NRG3: variants seen among roughly 807,000 people sequenced by gnomAD.
NRG3 encodes neuregulin 3, also known as pro-neuregulin-3, membrane-bound isoform.
In NRG3, 31 loss-of-function variants were observed where a neutral mutation model predicts 66.9. The observed-to-expected ratio is 0.46, with a 90% CI of 0.35 to 0.63. NRG3 has a LOEUF of 0.63. Among genes scored for constraint, NRG3 ranks in the 20% least tolerant of loss-of-function variants. NRG3 has a pLI of 0.00. For missense variants in NRG3, 910 were observed against 878.9 expected (o/e 1.04, Z -0.45); for synonymous variants, 393 against 359.4 (o/e 1.09, Z -1.06).
intron 3 of NRG3, among the ~76,000 whole-genome samples, chr10:82,859,705 A>G (rs925986048): frequency 4.6e-5 from 7 of 152,222 alleles, no homozygotes; most frequent in African/African-American, 1.4e-4. Flanking sequence ...TGCGGCAACT[A>G]TAGTTAATAA....
intron 1 of NRG3, among the ~76,000 whole-genome samples, chr10:82,266,365 G>A (rs2078293887): frequency 6.6e-6 from 1 of 152,138 alleles, no homozygotes; most frequent in Non-Finnish European, 1.5e-5. Context: ...ACCTGGACAT[G>A]TGGAGCTCGT....
chr10:82,133,189 C>T (rs1590232889), intron 1 of NRG3, among the ~76,000 whole-genome samples: 2 of 151,848 alleles, frequency 1.3e-5, no homozygotes, highest in Admixed American at 1.3e-4. Context: ...TTGATGTAGG[C>T]TCTTATTGCT....
chr10:82,202,963 TGA>T (rs1355070946), intron 1 of NRG3, among the ~76,000 whole-genome samples: 2 of 152,160 alleles, frequency 1.3e-5, no homozygotes, highest in African/African-American at 4.8e-5. Context: ...GATTGATGTG[TGA>T]TATACACATA....
chr10:82,716,991 A>G (rs181780554), intron 2 of NRG3, among the ~76,000 whole-genome samples: 37 of 152,344 alleles, frequency 2.4e-4, no homozygotes, highest in Admixed American at 2.3e-3. Flanking sequence ...AAGTTTATTA[A>G]TATGGAATTG....
intron 2 of NRG3, among the ~76,000 whole-genome samples, chr10:82,586,403 A>G (rs757798029): frequency 3.9e-5 from 6 of 152,216 alleles, no homozygotes; most frequent in East Asian, 1.9e-4. Context: ...AAAGGCAACT[A>G]CATTGACTGT....
chr10:82,861,503 A>G (rs1335817306), intron 3 of NRG3, among the ~76,000 whole-genome samples: 2 of 152,198 alleles, frequency 1.3e-5, no homozygotes, highest in Non-Finnish European at 2.9e-5. Flanking sequence ...AAACATATTG[A>G]GGTTTCAAAA....
chr10:82,934,960 G>A (rs1353159879), intron 4 of NRG3, among the ~76,000 whole-genome samples: 1 of 151,952 alleles, frequency 6.6e-6, no homozygotes, highest in Non-Finnish European at 1.5e-5. Flanking sequence ...CATCCTAGAG[G>A]CCTATTTATA....
At chr10:82,411,121 A>G (rs1490405264) in intron 2 of NRG3, among the ~76,000 whole-genome samples, 1 of 152,046 alleles carries the variant, frequency 6.6e-6, no homozygotes, top group Non-Finnish European at 1.5e-5. Flanking sequence ...TCAGCATGTA[A>G]GCCAGGCTGG....
chr10:82,375,548 A>AAG (rs1402011370), intron 2 of NRG3, among the ~76,000 whole-genome samples: 1 of 151,960 alleles, frequency 6.6e-6, no homozygotes, highest in Non-Finnish European at 1.5e-5. Context: ...AAAAAAAAAA[A>AAG]AAATTACTGA....
chr10:82,548,031 C>T (rs1444263553), intron 2 of NRG3, among the ~76,000 whole-genome samples: 1 of 135,206 alleles, frequency 7.4e-6, no homozygotes, highest in Non-Finnish European at 1.5e-5. Flanking sequence ...AGAAGTGACT[C>T]ATGCCACGTT....
intron 1 of NRG3, among the ~76,000 whole-genome samples, chr10:82,302,564 G>T (rs2080464911): frequency 6.6e-6 from 1 of 152,038 alleles, no homozygotes; most frequent in African/African-American, 2.4e-5. Flanking sequence ...TTAATAAAAA[G>T]TTCAATTTCC....
chr10:82,715,125 T>A lies in NRG3; in HGVS notation c.954-23452T>A, dbSNP rs368344100. On this transcript the variant is annotated intron_variant, in intron 2 of 8. Transcript: ENST00000372141. ...AAGTCTTGGGTGTGGCTGGGCGTGG[T>A]GGCTCATACCTGTAATCCCAGCAAT... 9.2e-5 allele frequency among the ~76,000 whole-genome samples: 14 copies of A among 152,282 alleles called. No individual in the cohort carries two copies. In the East Asian group the frequency reaches 1.9e-3, roughly 21 times the overall value.
At chr10:82,922,562 C>A (rs534923572) in intron 4 of NRG3, among the ~76,000 whole-genome samples, 1 of 152,102 alleles carries the variant, frequency 6.6e-6, no homozygotes, top group African/African-American at 2.4e-5. Flanking sequence ...GATAAACAGA[C>A]GCTGGAGGTT....
At chr10:82,116,797 T>C (rs1003529710) in intron 1 of NRG3, among the ~76,000 whole-genome samples, 1 of 152,140 alleles carries the variant, frequency 6.6e-6, no homozygotes, top group Non-Finnish European at 1.5e-5. Context: ...ATCTCCCTCA[T>C]CTTCCTGCCC....
intron 6 of NRG3, among the ~76,000 whole-genome samples, chr10:82,964,356 A>C (rs1377131726): frequency 6.6e-6 from 1 of 152,112 alleles, no homozygotes; most frequent in Non-Finnish European, 1.5e-5. Flanking sequence ...TCAGACCAAG[A>C]ATAGCTCAGC....
intron 2 of NRG3, among the ~76,000 whole-genome samples, chr10:82,456,129 TTC>T (rs1196017972): frequency 1.4e-5 from 2 of 143,872 alleles, no homozygotes; most frequent in African/African-American, 5.0e-5. Context: ...TAAAATATTT[TTC>T]TGTCACTTTT....
chr10:81,912,237 G>T (rs1445377280), intron 1 of NRG3, among the ~76,000 whole-genome samples: 1 of 152,150 alleles, frequency 6.6e-6, no homozygotes, highest in Non-Finnish European at 1.5e-5. Context: ...TGATGATGAT[G>T]ATTACAGGCA....
intron 1 of NRG3, among the ~76,000 whole-genome samples, chr10:82,208,395 T>C (rs901339561): frequency 6.6e-6 from 1 of 152,182 alleles, no homozygotes; most frequent in Non-Finnish European, 1.5e-5. Flanking sequence ...ATAATAATAA[T>C]TCTGGAGCCA....
At chr10:82,179,269 A>AT (rs1564636201) in intron 1 of NRG3, among the ~76,000 whole-genome samples, 3 of 151,682 alleles carry the variant, frequency 2.0e-5, no homozygotes, top group African/African-American at 7.3e-5. Context: ...TCACTTATCT[A>AT]TTTTTTCTTT....
Sources: gnomAD v4.1 joint callset for allele counts (sites outside exome capture counted in the v4.1 genomes callset) on GRCh38, gnomAD v4.1.1 for gene constraint, MANE v1.5 for transcripts, NCBI Gene and HGNC (gene_info 2026-07-23, HGNC 2026-07-21) for gene names.